Variants in LRRTM3 observed in about 807,000 individuals in gnomAD.
The protein encoded by LRRTM3 is leucine-rich repeat transmembrane neuronal protein 3.
LRRTM3 carries 24 observed loss-of-function variants against 44.7 expected under a neutral mutation model. That is an observed-to-expected ratio of 0.54 (90% CI 0.39 to 0.76). LRRTM3 has a LOEUF of 0.76. LRRTM3 is among the 30% of genes least tolerant of loss of function. LRRTM3 has a pLI of 0.00. For missense variants in LRRTM3, 587 were observed against 702.2 expected, an observed-to-expected ratio of 0.84 and a Z score of 1.85; for synonymous variants, 277 against 278.7, an observed-to-expected ratio of 0.99 and a Z score of 0.06.
Position 66,927,921 on chromosome 10 carries a change from G to A in LRRTM3, c.1005G>A (p.Glu335=). The change falls in exon 2 of 3, where the codon GAG becomes GAA. Residue 335 remains glutamate, a synonymous_variant. Transcript: ENST00000361320. This position sits in a 1 kb window ranked among gnomAD's most constrained non-coding sequence, Gnocchi z 4.7. ...NWLKSFKGLR[E]NTIICASPKE... is the part of the protein sequence containing the mutation. ...TGAAAAGTTTTAAAGGTCTAAGGGAGAATACAATTATCTGTGCCAGTCCCA... is the reference window on the plus strand; with the variant it reads ...TGAAAAGTTTTAAAGGTCTAAGGGAAAATACAATTATCTGTGCCAGTCCCA... The A allele has an allele frequency of 6.2e-7, 1 of 1,614,218 alleles. No homozygotes were observed. The highest frequency in any genetic ancestry group is 8.5e-7 in the Non-Finnish European group (1 of 1,180,046).
intron 2 of LRRTM3, among the ~76,000 whole-genome samples, chr10:67,058,337 A>G (rs1855562306): frequency 6.6e-6 from 1 of 152,124 alleles, no homozygotes; most frequent in Admixed American, 6.6e-5. Flanking sequence ...CAGATAACAT[A>G]TTGTTTTATG....
chr10:67,037,724 A>C (rs571868636), intron 2 of LRRTM3, among the ~76,000 whole-genome samples: 1 of 152,306 alleles, frequency 6.6e-6, no homozygotes, highest in South Asian at 2.1e-4. Flanking sequence ...AAATAGGTGT[A>C]GGTGGTGTGA....
intron 2 of LRRTM3, among the ~76,000 whole-genome samples, chr10:67,074,563 G>T (rs1358406240): frequency 6.6e-6 from 1 of 151,728 alleles, no homozygotes; most frequent in East Asian, 1.9e-4. Context: ...TGTTAGCCAG[G>T]ATGGTCTCGA....
At chr10:67,000,581 T>C (rs993678634) in intron 2 of LRRTM3, among the ~76,000 whole-genome samples, 2 of 152,114 alleles carry the variant, frequency 1.3e-5, no homozygotes, top group African/African-American at 4.8e-5. Context: ...TCTGTATCTA[T>C]AAAGAAACCA....
intron 2 of LRRTM3, among the ~76,000 whole-genome samples, chr10:67,079,598 C>G (rs1388967482): frequency 6.6e-6 from 1 of 151,928 alleles, no homozygotes; most frequent in Non-Finnish European, 1.5e-5. Context: ...GCCTGTAATC[C>G]CAGCATGTTG....
At position 67,092,437 on chromosome 10, in the gene LRRTM3, T is replaced by C. The variant is rs149471721; in HGVS notation, c.1537-5150T>C. ...AAAAGAAGACTGTCATTTTCTGTTCTTCAGAGTATTTTGTACTTTAAAAAT... is the reference window on the plus strand; with the variant it reads ...AAAAGAAGACTGTCATTTTCTGTTCCTCAGAGTATTTTGTACTTTAAAAAT... On this transcript the variant is annotated intron_variant, in intron 2 of 2. Transcript: ENST00000361320. Among the ~76,000 whole-genome samples the C allele has an allele frequency of 9.0e-4, 137 of 152,108 alleles. 2 individuals carry two copies. Among genetic ancestry groups the C allele is most frequent in the African/African-American group, 3.2e-3 (133 of 41,556 alleles).
chr10:66,974,087 G>A (rs927460085), intron 2 of LRRTM3, among the ~76,000 whole-genome samples: 2 of 152,136 alleles, frequency 1.3e-5, no homozygotes, highest in African/African-American at 2.4e-5. Context: ...GAGTCTCTCT[G>A]TAGTCAGTCT....
intron 2 of LRRTM3, among the ~76,000 whole-genome samples, chr10:67,063,099 G>A (rs934865285): frequency 6.6e-6 from 1 of 151,986 alleles, no homozygotes; most frequent in Non-Finnish European, 1.5e-5. Flanking sequence ...AACCCTGACC[G>A]ATGCAGTATG....
chr10:66,962,053 G>T (rs1849138557), intron 2 of LRRTM3, among the ~76,000 whole-genome samples: 1 of 152,090 alleles, frequency 6.6e-6, no homozygotes, highest in Admixed American at 6.6e-5. Flanking sequence ...CGTTATTCCT[G>T]TCTTGGTTTA....
intron 2 of LRRTM3, among the ~76,000 whole-genome samples, chr10:66,978,108 G>A (rs1401323642): frequency 1.3e-5 from 2 of 151,338 alleles, no homozygotes; most frequent in African/African-American, 4.9e-5. Flanking sequence ...TGACGTTCCT[G>A]AAAATATGAT....
At chr10:66,965,232 G>GT (rs869055555) in intron 2 of LRRTM3, among the ~76,000 whole-genome samples, 4 of 150,602 alleles carry the variant, frequency 2.7e-5, no homozygotes, top group South Asian at 2.1e-4. Context: ...TTTTTTTGGG[G>GT]TTTTTTTGTT....
chr10:66,957,271 T>G (rs576008245), intron 2 of LRRTM3, among the ~76,000 whole-genome samples: 1 of 151,982 alleles, frequency 6.6e-6, no homozygotes, highest in Admixed American at 6.6e-5. Flanking sequence ...CATTTTTTCC[T>G]AAATTTACTA....
At chr10:66,994,744 C>T (rs1321144477) in intron 2 of LRRTM3, among the ~76,000 whole-genome samples, 1 of 152,142 alleles carries the variant, frequency 6.6e-6, no homozygotes, top group Non-Finnish European at 1.5e-5. Context: ...ACATTCAATA[C>T]TATTTATAGA....
chr10:67,004,750 T>C (rs1851877469), intron 2 of LRRTM3, among the ~76,000 whole-genome samples: 1 of 152,228 alleles, frequency 6.6e-6, no homozygotes, highest in African/African-American at 2.4e-5. Flanking sequence ...GTCAATTATT[T>C]GCTATTCATT....
At chr10:66,929,235 A>G (rs1388490003) in intron 2 of LRRTM3, among the ~76,000 whole-genome samples, 1 of 152,252 alleles carries the variant, frequency 6.6e-6, no homozygotes, top group Non-Finnish European at 1.5e-5. Context: ...TGTTTCATAA[A>G]TAAATAAATG....
At chr10:67,030,638 T>A (rs755735684) in intron 2 of LRRTM3, among the ~76,000 whole-genome samples, 2 of 152,162 alleles carry the variant, frequency 1.3e-5, no homozygotes, top group African/African-American at 4.8e-5. Flanking sequence ...ATCAATATAT[T>A]TGTTTATCAC....
At position 66,928,317 on chromosome 10, in the gene LRRTM3, G is replaced by C; in HGVS notation, c.1401G>C (p.Gln467His). ...GAAGGCACAGGAAAAAGAAAAGACAGTCCCTAAAGCAAATGACTCCCAGCA... is the reference window on the plus strand; with the variant it reads ...GAAGGCACAGGAAAAAGAAAAGACACTCCCTAAAGCAAATGACTCCCAGCA... Reference protein sequence around the residue: ...LMRRHRKKKRQSLKQMTPSTQ... With the variant: ...LMRRHRKKKRHSLKQMTPSTQ... The change falls in exon 2 of 3, where the codon CAG becomes CAC. Residue 467 changes from glutamine (Q) to histidine (H), a missense_variant. By Grantham distance (24) the Gln-to-His change is conservative. This residue lies in a region of LRRTM3 where 315 missense variants were observed against 335.6 expected (regional missense o/e 0.94). Transcript: ENST00000361320. 6.2e-7 allele frequency: 1 copy of C among 1,614,164 alleles called. No homozygotes were observed. The highest frequency in any genetic ancestry group is 1.3e-5 in the African/African-American group (1 of 75,036).
chr10:67,071,054 T>C (rs945662756), intron 2 of LRRTM3, among the ~76,000 whole-genome samples: 3 of 152,194 alleles, frequency 2.0e-5, no homozygotes, highest in Non-Finnish European at 4.4e-5. Flanking sequence ...GTTTTAAACT[T>C]CATTTATCAC....
intron 2 of LRRTM3, among the ~76,000 whole-genome samples, chr10:67,092,746 T>G (rs1434088791): frequency 6.6e-6 from 1 of 152,022 alleles, no homozygotes; most frequent in Non-Finnish European, 1.5e-5. Flanking sequence ...GTACTTTTTA[T>G]GTGAAAGGTA....
Sources: gnomAD v4.1 joint callset for allele counts (sites outside exome capture counted in the v4.1 genomes callset) on GRCh38, gnomAD v4.1.1 for gene constraint, gnomAD v4.1.1 regional missense constraint, Gnocchi (gnomAD v3.1) non-coding constraint, MANE v1.5 for transcripts, NCBI Gene and HGNC (gene_info 2026-07-23, HGNC 2026-07-21) for gene names.